Variants in EYA4 observed in about 807,000 individuals in gnomAD.
The protein encoded by EYA4 is protein phosphatase EYA4.
In EYA4, 31 loss-of-function variants were observed where a neutral mutation model predicts 87.9. That is an observed-to-expected ratio of 0.35 (90% CI 0.27 to 0.48). The LOEUF (loss-of-function observed/expected upper bound fraction) is 0.48. Ranked by LOEUF, EYA4 falls within the 20% of genes least tolerant of loss-of-function variation. The pLI, the probability that EYA4 is intolerant of heterozygous loss-of-function variation, is 0.99. For synonymous variants in EYA4, 263 were observed against 270.6 expected (o/e 0.97, Z 0.28); for missense variants, 678 against 761.4 (o/e 0.89, Z 1.29).
intron 11 of EYA4, among the ~76,000 whole-genome samples, chr6:133,474,718 G>A (rs139421577): frequency 7.2e-4 from 109 of 152,118 alleles, no homozygotes; most frequent in African/African-American, 2.4e-3. Flanking sequence ...TCTGGCATAC[G>A]GCCAAAAAGC....
At chr6:133,368,824 C>T (rs910393353) in intron 2 of EYA4, among the ~76,000 whole-genome samples, 2 of 152,152 alleles carry the variant, frequency 1.3e-5, no homozygotes, top group South Asian at 2.1e-4. Context: ...AGGGAGACAG[C>T]GCCGTCTTCA....
intron 2 of EYA4, among the ~76,000 whole-genome samples, chr6:133,308,035 T>C (rs1315404800): frequency 6.6e-6 from 1 of 152,190 alleles, no homozygotes; most frequent in East Asian, 1.9e-4. Flanking sequence ...GCACACGTTC[T>C]CTTGCCTGCT....
At chr6:133,347,335 T>C (rs556893021) in intron 2 of EYA4, among the ~76,000 whole-genome samples, 2 of 152,350 alleles carry the variant, frequency 1.3e-5, no homozygotes, top group South Asian at 2.1e-4. Context: ...ATTAGGTTCT[T>C]GAGGAAGGGT....
intron 14 of EYA4, 103 bp from the exon 15 acceptor site, chr6:133,512,618 A>G: frequency 2.2e-6 from 2 of 898,680 alleles, no homozygotes; most frequent in South Asian, 1.3e-5. Flanking sequence ...ACATGCTGCC[A>G]TCTTCTGGTG....
chr6:133,529,208 T>C lies in EYA4; in HGVS notation c.*403T>C, dbSNP rs1800862014. 8.8e-7 allele frequency: 1 copy of C among 1,142,216 alleles called. No homozygotes were observed. Among genetic ancestry groups the C allele is most frequent in the African/African-American group, 1.6e-5 (1 of 61,050 alleles). The allele number at this position is 1,142,216 out of a possible 1,614,324, so 70.8% of individuals were successfully genotyped here. On this transcript the variant is annotated 3_prime_UTR_variant, in exon 20 of 20. Coordinates refer to ENST00000355286, the MANE Select transcript of EYA4 (RefSeq NM_004100.5). ...TCAGCCCTGAGGTTTGAATCTGACT[T>C]TAGCCTACCTAACCCAGAAAATCTG...
At chr6:133,381,501 T>A (rs372610295) in intron 2 of EYA4, among the ~76,000 whole-genome samples, 5 of 152,284 alleles carry the variant, frequency 3.3e-5, no homozygotes, top group Middle Eastern at 3.4e-3. Context: ...CAGTAGAATT[T>A]TTTTTTGCTT....
At chr6:133,523,977 T>A (rs1431887522) in intron 18 of EYA4, among the ~76,000 whole-genome samples, 1 of 152,140 alleles carries the variant, frequency 6.6e-6, no homozygotes, top group African/African-American at 2.4e-5. Flanking sequence ...AAAAATAACC[T>A]GCCCTGGGCT....
intron 3 of EYA4, among the ~76,000 whole-genome samples, chr6:133,437,870 C>G (rs1791851328): frequency 6.6e-6 from 1 of 152,116 alleles, no homozygotes; most frequent in African/African-American, 2.4e-5. Context: ...CTTGTCTCTC[C>G]CTTGACATGT....
At chr6:133,450,581 G>T (rs1793340124) in intron 5 of EYA4, among the ~76,000 whole-genome samples, 1 of 152,082 alleles carries the variant, frequency 6.6e-6, no homozygotes, top group African/African-American at 2.4e-5. Flanking sequence ...TCGGCTCACC[G>T]CAACTTCCAC....
At chr6:133,311,516 C>T (rs62430322) in intron 2 of EYA4, among the ~76,000 whole-genome samples, 1 of 151,524 alleles carries the variant, frequency 6.6e-6, no homozygotes, top group Non-Finnish European at 1.5e-5. Context: ...TGGGAGTCTC[C>T]CAGTGTTGCC....
rs145435972 is a variant in EYA4 at position 133,469,046 on chromosome 6, T to C, written c.970+315T>C. Among the ~76,000 whole-genome samples, 376 of 152,184 alleles carry C rather than the reference T, an allele frequency of 2.5e-3. 5 individuals are homozygous for C. Among genetic ancestry groups the C allele is most frequent in the African/African-American group, 8.4e-3 (351 of 41,558 alleles). ...AATATTATCTTCCTTATGACTGATA[T>C]TATTTCTTTTGTGCTAAAGAGACTG... is the stretch of plus-strand genomic sequence containing the variant. On this transcript the variant is annotated intron_variant, in intron 11 of 19. Transcript: ENST00000355286.
At chr6:133,387,939 A>G (rs901070614) in intron 3 of EYA4, among the ~76,000 whole-genome samples, 1 of 152,076 alleles carries the variant, frequency 6.6e-6, no homozygotes, top group Non-Finnish European at 1.5e-5. Context: ...GCAGATATGG[A>G]TGCAGATGGG....
At chr6:133,286,888 A>G (rs1018756568) in intron 2 of EYA4, among the ~76,000 whole-genome samples, 1 of 152,172 alleles carries the variant, frequency 6.6e-6, no homozygotes, top group Non-Finnish European at 1.5e-5. Flanking sequence ...TTGGGCCACA[A>G]AATTCTTTGT....
chr6:133,448,257 T>A, intron 5 of EYA4, 78 bp downstream of exon 5: 1 of 1,029,432 alleles, frequency 9.7e-7, no homozygotes, highest in Non-Finnish European at 1.5e-6. Context: ...TTGCTATGTC[T>A]ATGTTTGCAT....
intron 3 of EYA4, among the ~76,000 whole-genome samples, chr6:133,431,174 A>G (rs1791149708): frequency 1.3e-5 from 2 of 152,148 alleles, no homozygotes; most frequent in Admixed American, 1.3e-4. Context: ...AGATGAGGTC[A>G]AGAAATGGGG....
intron 3 of EYA4, among the ~76,000 whole-genome samples, chr6:133,394,834 G>C (rs1787649945): frequency 6.6e-6 from 1 of 152,192 alleles, no homozygotes. Context: ...AATGCAAAAT[G>C]CTTAGTCACA....
At chr6:133,244,495 G>C (rs983380187) in intron 1 of EYA4, among the ~76,000 whole-genome samples, 1 of 151,910 alleles carries the variant, frequency 6.6e-6, no homozygotes, top group Non-Finnish European at 1.5e-5. Context: ...AATAGATGCT[G>C]AATTTCAGAG....
chr6:133,422,839 G>A (rs1790332195), intron 3 of EYA4, among the ~76,000 whole-genome samples: 1 of 152,176 alleles, frequency 6.6e-6, no homozygotes, highest in African/African-American at 2.4e-5. Context: ...CCTTGGAATT[G>A]CCCCTTCTGA....
intron 1 of EYA4, among the ~76,000 whole-genome samples, chr6:133,255,510 T>A (rs1420548499): frequency 3.9e-5 from 6 of 152,204 alleles, no homozygotes; most frequent in Non-Finnish European, 5.9e-5. Flanking sequence ...GTTTTAAAAA[T>A]ACGGATATAT....
Sources: gnomAD v4.1 joint callset for allele counts (sites outside exome capture counted in the v4.1 genomes callset) on GRCh38, gnomAD v4.1.1 for gene constraint, MANE v1.5 for transcripts, NCBI Gene and HGNC (gene_info 2026-07-23, HGNC 2026-07-21) for gene names.